SLIT3: variants seen among roughly 807,000 people sequenced by gnomAD.
The protein encoded by SLIT3 is slit homolog 3 protein.
SLIT3 carries 68 observed loss-of-function variants against 184.0 expected under a neutral mutation model. That is an observed-to-expected ratio of 0.37 (90% CI 0.30 to 0.45). SLIT3 has a LOEUF of 0.45. SLIT3 is among the 20% of genes least tolerant of loss of function. SLIT3 has a pLI of 1.00. For synonymous variants in SLIT3, 831 were observed against 828.6 expected, an observed-to-expected ratio of 1.00 and a Z score of -0.05; for missense variants, 1,707 against 2,026.0, an observed-to-expected ratio of 0.84 and a Z score of 3.02.
At chr5:169,261,055 A>G (rs1163180798) in intron 1 of SLIT3, among the ~76,000 whole-genome samples, 1 of 152,220 alleles carries the variant, frequency 6.6e-6, no homozygotes, top group Admixed American at 6.5e-5. Context: ...TGCCAATAAA[A>G]CTTTATTTAC....
intron 4 of SLIT3, among the ~76,000 whole-genome samples, chr5:169,182,206 A>T (rs1221706838): frequency 6.6e-6 from 1 of 152,232 alleles, no homozygotes; most frequent in Non-Finnish European, 1.5e-5. Flanking sequence ...AAAAAGAAAC[A>T]TCATGAATAA....
At chr5:169,042,237 C>T (rs549345008) in intron 4 of SLIT3, among the ~76,000 whole-genome samples, 1 of 152,288 alleles carries the variant, frequency 6.6e-6, no homozygotes, top group African/African-American at 2.4e-5. Flanking sequence ...AATCACCCTA[C>T]ACATTAGAAA....
intron 4 of SLIT3, among the ~76,000 whole-genome samples, chr5:168,905,186 A>G (rs1206338013): frequency 2.2e-5 from 1 of 46,066 alleles, no homozygotes; most frequent in Non-Finnish European, 5.4e-5. Context: ...CAAAAAAAAG[A>G]AAAAAAATGG....
At chr5:169,063,610 CG>C (rs1191456745) in intron 4 of SLIT3, among the ~76,000 whole-genome samples, 1 of 152,156 alleles carries the variant, frequency 6.6e-6, no homozygotes, top group Non-Finnish European at 1.5e-5. Context: ...CTCCCGTGTG[CG>C]TGAGTGAGAA....
chr5:168,705,583 C>A (rs887220647), intron 26 of SLIT3, among the ~76,000 whole-genome samples: 3 of 152,160 alleles, frequency 2.0e-5, no homozygotes, highest in African/African-American at 7.2e-5. Flanking sequence ...CAACATCATG[C>A]ACCCTAGACC....
At chr5:169,188,859 G>A (rs33984311) in intron 4 of SLIT3, among the ~76,000 whole-genome samples, 1 of 152,024 alleles carries the variant, frequency 6.6e-6, no homozygotes, top group Non-Finnish European at 1.5e-5. Context: ...CTTGCCAAAG[G>A]TTTCAGGATA....
At chr5:169,189,564 ATATATATATATATATG>A in intron 4 of SLIT3, among the ~76,000 whole-genome samples, 2 of 109,630 alleles carry the variant, frequency 1.8e-5, no homozygotes, top group Admixed American at 1.0e-4. Flanking sequence ...ATATATATAT[ATATATATATATATATG>A]CAGTAATCTA....
intron 4 of SLIT3, among the ~76,000 whole-genome samples, chr5:169,032,264 GA>G (rs1757054339): frequency 6.6e-6 from 1 of 152,090 alleles, no homozygotes; most frequent in African/African-American, 2.4e-5. Context: ...GAGTAAATAT[GA>G]AAGAACATTT....
chr5:169,247,233 T>C (rs1431989281), intron 2 of SLIT3, among the ~76,000 whole-genome samples: 3 of 105,438 alleles, frequency 2.8e-5, no homozygotes, highest in Middle Eastern at 8.5e-3. Flanking sequence ...AAAAAAAAAA[T>C]GTTTTTCCCT....
chr5:168,999,591 T>C (rs1755633367), intron 4 of SLIT3, among the ~76,000 whole-genome samples: 1 of 151,294 alleles, frequency 6.6e-6, no homozygotes, highest in South Asian at 2.1e-4. Flanking sequence ...CTCAGGGATC[T>C]GGTCCCCACT....
At chr5:168,962,964 G>A (rs187509623) in intron 4 of SLIT3, among the ~76,000 whole-genome samples, 107 of 152,212 alleles carry the variant, frequency 7.0e-4, no homozygotes, top group African/African-American at 2.3e-3. Flanking sequence ...AAGTCTCCCC[G>A]AAACTGTCCA....
At chr5:169,254,720 T>C (rs1270387456) in intron 1 of SLIT3, among the ~76,000 whole-genome samples, 1 of 152,210 alleles carries the variant, frequency 6.6e-6, no homozygotes, top group Non-Finnish European at 1.5e-5. Flanking sequence ...GAAGCCTCCA[T>C]GCTGGTGAAA....
intron 7 of SLIT3, among the ~76,000 whole-genome samples, chr5:168,818,073 C>T (rs1250688466): frequency 1.3e-5 from 2 of 152,088 alleles, no homozygotes; most frequent in Non-Finnish European, 2.9e-5. Context: ...AGAGGATGTA[C>T]CTTCTTTCCA....
chr5:168,681,720 A>G (rs1761598164), intron 32 of SLIT3, among the ~76,000 whole-genome samples: 1 of 152,146 alleles, frequency 6.6e-6, no homozygotes, highest in Admixed American at 6.5e-5. Flanking sequence ...CCTTCTACCA[A>G]ATCACCAGCC....
chr5:168,995,117 C>T (rs1305532428), intron 4 of SLIT3, among the ~76,000 whole-genome samples: 1 of 152,168 alleles, frequency 6.6e-6, no homozygotes, highest in African/African-American at 2.4e-5. Context: ...ACCAGGTGAT[C>T]TTACTTAAGA....
At chr5:169,004,581 G>C (rs931229004) in intron 4 of SLIT3, among the ~76,000 whole-genome samples, 15 of 152,132 alleles carry the variant, frequency 9.9e-5, no homozygotes, top group Non-Finnish European at 1.5e-4. Context: ...TTCTGCCTCT[G>C]CGTCTCCCTA....
chr5:169,090,833 A>G (rs1173509085), intron 4 of SLIT3, among the ~76,000 whole-genome samples: 1 of 152,216 alleles, frequency 6.6e-6, no homozygotes, highest in Non-Finnish European at 1.5e-5. Context: ...GAGCCTCCAG[A>G]GGAAAGACAG....
chr5:169,265,731 G>A (rs979650942), intron 1 of SLIT3, among the ~76,000 whole-genome samples: 1 of 152,188 alleles, frequency 6.6e-6, no homozygotes, highest in Non-Finnish European at 1.5e-5. Context: ...TACGTATAAA[G>A]TGATTCTAGC....
At position 168,662,208 on chromosome 5, in the gene SLIT3, A is replaced by T. The variant is rs1221178681; in HGVS notation, c.*4246T>A. The T allele has an allele frequency of 2.0e-5, 3 of 152,202 alleles. No individual in the cohort carries two copies. Among genetic ancestry groups the T allele is most frequent in the Non-Finnish European group, 4.4e-5 (3 of 68,054 alleles). 9.4% of individuals were successfully genotyped at this position (152,202 alleles called of 1,614,324 possible). ...TGGTCTATGATCACCGCATTCTTCCATTTGTTCGACCCTCAGTTTTCCTGC... is the reference window on the plus strand; with the variant it reads ...TGGTCTATGATCACCGCATTCTTCCTTTTGTTCGACCCTCAGTTTTCCTGC... On this transcript the variant is annotated 3_prime_UTR_variant, in exon 36 of 36. Coordinates refer to ENST00000519560, the MANE Select transcript of SLIT3 (RefSeq NM_003062.4).
Sources: gnomAD v4.1 joint callset for allele counts (sites outside exome capture counted in the v4.1 genomes callset) on GRCh38, gnomAD v4.1.1 for gene constraint, MANE v1.5 for transcripts, NCBI Gene and HGNC (gene_info 2026-07-23, HGNC 2026-07-21) for gene names.